Variants in AGBL4 observed in about 807,000 individuals in gnomAD.
AGBL4 encodes the protein cytosolic carboxypeptidase 6.
Under a neutral mutation model 66.4 loss-of-function variants are expected in AGBL4, and 58 were observed. The ratio of observed to expected loss-of-function variants is 0.87; its 90% confidence interval spans 0.71 to 1.09. The LOEUF is 1.09. Ranked by LOEUF, AGBL4 falls within the 50% of genes least tolerant of loss-of-function variation. The pLI is 0.00. For synonymous variants in AGBL4, 234 were observed against 222.9 expected (o/e 1.05, Z -0.44); for missense variants, 579 against 631.0 (o/e 0.92, Z 0.88).
chr1:49,186,229 C>G (rs1647014126), intron 4 of AGBL4, among the ~76,000 whole-genome samples: 1 of 152,144 alleles, frequency 6.6e-6, no homozygotes, highest in Non-Finnish European at 1.5e-5. Context: ...TGCCCCTCTC[C>G]CTAGAATACA....
chr1:49,878,003 A>G (rs1216002805), intron 1 of AGBL4, among the ~76,000 whole-genome samples: 2 of 151,924 alleles, frequency 1.3e-5, no homozygotes, highest in African/African-American at 4.8e-5. Flanking sequence ...ATCGGTGGTG[A>G]TATCCCCTTT....
chr1:48,971,995 GGGCAAGAT>G (rs1221769090), intron 5 of AGBL4, among the ~76,000 whole-genome samples: 13 of 152,150 alleles, frequency 8.5e-5, no homozygotes, highest in African/African-American at 3.1e-4. Context: ...TGATGATGCT[GGGCAAGAT>G]CTCTGCATTG....
intron 5 of AGBL4, among the ~76,000 whole-genome samples, chr1:48,919,730 C>A (rs917726397): frequency 6.6e-6 from 1 of 152,154 alleles, no homozygotes; most frequent in African/African-American, 2.4e-5. Context: ...AGTAACACCC[C>A]CTCCTCTCAA....
chr1:49,572,602 T>C (rs1299668134), intron 3 of AGBL4, among the ~76,000 whole-genome samples: 1 of 152,210 alleles, frequency 6.6e-6, no homozygotes, highest in Admixed American at 6.5e-5. Flanking sequence ...TCCAGGAATT[T>C]ATCCATTTCT....
intron 3 of AGBL4, among the ~76,000 whole-genome samples, chr1:49,267,264 G>A (rs941500481): frequency 6.6e-6 from 1 of 152,152 alleles, no homozygotes; most frequent in African/African-American, 2.4e-5. Flanking sequence ...TTGTAGCTAT[G>A]TATGGTTTGT....
intron 3 of AGBL4, among the ~76,000 whole-genome samples, chr1:49,476,355 T>A (rs1262553035): frequency 1.3e-5 from 2 of 152,078 alleles, no homozygotes; most frequent in Admixed American, 1.3e-4. Flanking sequence ...GTATGTTCCA[T>A]GTGCAGATGA....
chr1:49,932,371 T>C (rs534408638), intron 1 of AGBL4, among the ~76,000 whole-genome samples: 2 of 152,244 alleles, frequency 1.3e-5, no homozygotes, highest in Admixed American at 1.3e-4. Flanking sequence ...AAATGAATCA[T>C]TGGCCTTAAA....
At chr1:48,743,134 T>C (rs763323584) in intron 6 of AGBL4, among the ~76,000 whole-genome samples, 3 of 152,166 alleles carry the variant, frequency 2.0e-5, no homozygotes, top group Non-Finnish European at 4.4e-5. Context: ...GCAAATCGTG[T>C]ATTTGCCAAA....
At chr1:49,555,402 A>C (rs1177496330) in intron 3 of AGBL4, among the ~76,000 whole-genome samples, 2 of 148,742 alleles carry the variant, frequency 1.3e-5, no homozygotes, top group Non-Finnish European at 3.0e-5. Context: ...AAGTTCTCCA[A>C]GTCCCCACTA....
chr1:49,279,627 T>C lies in AGBL4; in HGVS notation c.283-33763A>G, dbSNP rs1421845629. ...CCTTAGGAAAATTACTTGCTGTCTC[T>C]GGTCTTCAATTTTCCCACTTCTAAA... On this transcript the variant is annotated intron_variant, in intron 3 of 13. Coordinates refer to ENST00000371839, the MANE Select transcript of AGBL4 (RefSeq NM_032785.4). Among the ~76,000 whole-genome samples the C allele has an allele frequency of 3.3e-5, 5 of 152,154 alleles. No homozygotes were observed. In the South Asian group the frequency reaches 1.0e-3, roughly 32 times the overall value.
At chr1:48,994,118 C>A (rs951479295) in intron 5 of AGBL4, among the ~76,000 whole-genome samples, 13 of 152,302 alleles carry the variant, frequency 8.5e-5, no homozygotes, top group African/African-American at 3.1e-4. Flanking sequence ...CACCTCTCCA[C>A]TCTTCATTTT....
chr1:48,904,280 A>C (rs1435254610), intron 5 of AGBL4, among the ~76,000 whole-genome samples: 1 of 152,206 alleles, frequency 6.6e-6, no homozygotes, highest in African/African-American at 2.4e-5. Flanking sequence ...ATCTCAAGGA[A>C]AATAATAATA....
intron 2 of AGBL4, among the ~76,000 whole-genome samples, chr1:49,712,048 T>C (rs1647711010): frequency 6.6e-6 from 1 of 152,028 alleles, no homozygotes; most frequent in South Asian, 2.1e-4. Flanking sequence ...TGACTGAATT[T>C]ATATAAATAG....
chr1:49,056,988 A>G (rs905697453), intron 4 of AGBL4, among the ~76,000 whole-genome samples: 1 of 152,198 alleles, frequency 6.6e-6, no homozygotes, highest in South Asian at 2.1e-4. Context: ...TTTCCAATCT[A>G]TCTACTTGTC....
At chr1:49,140,480 A>G (rs948367881) in intron 4 of AGBL4, among the ~76,000 whole-genome samples, 2 of 152,228 alleles carry the variant, frequency 1.3e-5, no homozygotes, top group African/African-American at 4.8e-5. Context: ...TTTTTAAGAC[A>G]GTGTATTCAC....
rs1207991102 is a variant in AGBL4 at position 49,864,509 on chromosome 1, T to C, written c.35-12991A>G. Reference sequence around the variant, plus strand: ...TCTCTCATTAGGAAAGACTAGGTGGTTGGCGCGAACCATGAAGAGTGAGGA... The same window carrying C: ...TCTCTCATTAGGAAAGACTAGGTGGCTGGCGCGAACCATGAAGAGTGAGGA... On this transcript the variant is annotated intron_variant, in intron 1 of 13. Coordinates refer to ENST00000371839, the MANE Select transcript of AGBL4 (RefSeq NM_032785.4). Among the ~76,000 whole-genome samples the C allele has an allele frequency of 3.9e-5, 6 of 152,024 alleles. No homozygotes were observed. In the East Asian group the frequency reaches 1.2e-3, roughly 29 times the overall value.
intron 6 of AGBL4, among the ~76,000 whole-genome samples, chr1:48,812,438 G>A (rs189108417): frequency 1.3e-4 from 20 of 152,208 alleles, no homozygotes; most frequent in East Asian, 3.9e-4. Flanking sequence ...ACAACACTGC[G>A]CTGGCCTAGA....
intron 6 of AGBL4, among the ~76,000 whole-genome samples, chr1:48,821,690 C>T (rs1411345947): frequency 1.3e-5 from 2 of 152,092 alleles, no homozygotes; most frequent in African/African-American, 4.8e-5. Flanking sequence ...CCAAACCTCA[C>T]CATTATGCAA....
At chr1:49,588,970 A>G (rs1258573627) in intron 3 of AGBL4, among the ~76,000 whole-genome samples, 5 of 152,146 alleles carry the variant, frequency 3.3e-5, no homozygotes, top group Non-Finnish European at 5.9e-5. Flanking sequence ...TTTAAGATGC[A>G]TATGTCCAGG....
Sources: gnomAD v4.1 joint callset for allele counts (sites outside exome capture counted in the v4.1 genomes callset) on GRCh38, gnomAD v4.1.1 for gene constraint, MANE v1.5 for transcripts, NCBI Gene and HGNC (gene_info 2026-07-23, HGNC 2026-07-21) for gene names.